Variants in MSRA observed in about 807,000 individuals in gnomAD.
The protein encoded by MSRA is mitochondrial peptide methionine sulfoxide reductase.
Under a neutral mutation model 31.3 loss-of-function variants are expected in MSRA, and 54 were observed. The observed-to-expected ratio is 1.73, with a 90% confidence interval of 1.39 to 2.17. MSRA has a LOEUF of 2.17. Among genes scored for constraint, MSRA ranks in the 30% most tolerant of loss-of-function variants. The pLI, the probability that MSRA is intolerant of heterozygous loss-of-function variation, is 0.00. For missense variants in MSRA, 507 were observed against 300.9 expected, an observed-to-expected ratio of 1.69 and a Z score of -5.07; for synonymous variants, 169 against 116.5, an observed-to-expected ratio of 1.45 and a Z score of -2.90.
intron 5 of MSRA, among the ~76,000 whole-genome samples, chr8:10,366,255 G>A (rs1805158409): frequency 6.6e-6 from 1 of 152,280 alleles, no homozygotes; most frequent in African/African-American, 2.4e-5. Context: ...GGGGAAAAGT[G>A]TGAAGTTATG....
chr8:10,055,508 A>C (rs1387720158), intron 1 of MSRA, among the ~76,000 whole-genome samples: 1 of 152,258 alleles, frequency 6.6e-6, no homozygotes, highest in Admixed American at 6.5e-5. Flanking sequence ...CAGCAGCAGC[A>C]GCATCACCAC....
At chr8:10,319,113 C>T (rs1801894993) in intron 4 of MSRA, among the ~76,000 whole-genome samples, 3 of 152,110 alleles carry the variant, frequency 2.0e-5, no homozygotes. Context: ...CCCTTAACAC[C>T]TCTAATTCTT....
intron 1 of MSRA, among the ~76,000 whole-genome samples, chr8:10,184,628 G>A (rs1373395097): frequency 3.3e-5 from 5 of 152,102 alleles, no homozygotes; most frequent in Non-Finnish European, 7.4e-5. Context: ...CTCTAAGGAT[G>A]CCTTGTCTGA....
intron 1 of MSRA, among the ~76,000 whole-genome samples, chr8:10,076,075 G>C (rs1254628351): frequency 9.5e-6 from 1 of 104,756 alleles, no homozygotes; most frequent in Non-Finnish European, 2.5e-5. Context: ...AGTCAGAGCT[G>C]TGCGTCATGT....
chr8:10,242,900 C>T (rs988227318), intron 2 of MSRA, among the ~76,000 whole-genome samples: 10 of 152,166 alleles, frequency 6.6e-5, no homozygotes, highest in South Asian at 4.1e-4. Context: ...GTCCCTGAGA[C>T]GCTGTTTCAG....
intron 5 of MSRA, among the ~76,000 whole-genome samples, chr8:10,400,612 T>C (rs1163374901): frequency 1.3e-5 from 2 of 152,114 alleles, no homozygotes; most frequent in African/African-American, 4.8e-5. Flanking sequence ...ATGTAGGGCA[T>C]GGAGGCTGTT....
chr8:10,407,965 A>G (rs1410511458), intron 5 of MSRA, among the ~76,000 whole-genome samples: 2 of 152,228 alleles, frequency 1.3e-5, no homozygotes, highest in Non-Finnish European at 2.9e-5. Context: ...GTAGGTTAAT[A>G]GGATTGCAAA....
intron 4 of MSRA, among the ~76,000 whole-genome samples, chr8:10,311,968 T>C (rs1371476130): frequency 1.3e-5 from 2 of 152,122 alleles, no homozygotes; most frequent in Admixed American, 6.5e-5. Context: ...ATGATGGAAA[T>C]TGTAAAATAC....
At chr8:10,171,388 A>G (rs1384594072) in intron 1 of MSRA, among the ~76,000 whole-genome samples, 3 of 147,486 alleles carry the variant, frequency 2.0e-5, no homozygotes, top group Non-Finnish European at 4.5e-5. Context: ...TTTTTTTAAC[A>G]GAGCTTTAAG....
intron 5 of MSRA, chr8:10,337,550 C>G (rs1480891569): frequency 4.9e-6 from 3 of 608,568 alleles, no homozygotes; most frequent in Admixed American, 2.8e-5. Flanking sequence ...AGCATTAAGT[C>G]TGATATACAT....
intron 5 of MSRA, among the ~76,000 whole-genome samples, chr8:10,407,668 G>A (rs939511163): frequency 2.0e-5 from 3 of 152,164 alleles, no homozygotes; most frequent in Non-Finnish European, 2.9e-5. Flanking sequence ...GGTTGTGAGT[G>A]GCAGGATTCT....
intron 1 of MSRA, among the ~76,000 whole-genome samples, chr8:10,115,989 C>T (rs934286680): frequency 4.6e-5 from 7 of 152,224 alleles, no homozygotes; most frequent in East Asian, 3.9e-4. Context: ...ACTTGATTCA[C>T]GCATGGTGGC....
chr8:10,274,735 G>A (rs1440567404), intron 3 of MSRA, among the ~76,000 whole-genome samples: 1 of 151,692 alleles, frequency 6.6e-6, no homozygotes, highest in Non-Finnish European at 1.5e-5. Context: ...TCATCCATCT[G>A]TACACCCACC....
At chr8:10,221,233 C>T (rs1410994133) in intron 2 of MSRA, among the ~76,000 whole-genome samples, 2 of 152,138 alleles carry the variant, frequency 1.3e-5, no homozygotes, top group Non-Finnish European at 2.9e-5. Context: ...GACATCTGCA[C>T]CAACTGAATG....
intron 1 of MSRA, among the ~76,000 whole-genome samples, chr8:10,090,496 T>G (rs977255451): frequency 6.6e-6 from 1 of 152,218 alleles, no homozygotes; most frequent in Non-Finnish European, 1.5e-5. Flanking sequence ...GTAACAGCCG[T>G]AAATACTGGA....
rs962675971 is a variant in MSRA, at chr8:10,353,653, C to T, written c.543+33664C>T. 1.5e-5 allele frequency: 7 copies of T among 456,130 alleles called. No homozygotes were observed. The Admixed American group carries it at 1.6e-4, about 11-fold the overall frequency. The allele number at this position is 456,130 out of a possible 1,614,324, so 28.3% of individuals were successfully genotyped here. ...GTTCACTGGAAGAAGAGAACACAGA[C>T]TGGGCTGCAGACGGAGGGAAGATGA... On this transcript the variant is annotated intron_variant, in intron 5 of 5. Coordinates refer to ENST00000317173, the MANE Select transcript of MSRA (RefSeq NM_012331.5).
At chr8:10,391,570 C>G (rs905539168) in intron 5 of MSRA, among the ~76,000 whole-genome samples, 10 of 152,134 alleles carry the variant, frequency 6.6e-5, no homozygotes, top group African/African-American at 1.7e-4. Context: ...AGAGGACTTG[C>G]CAGAGGTCAC....
At chr8:10,412,992 A>T (rs1246946979) in intron 5 of MSRA, among the ~76,000 whole-genome samples, 3 of 152,218 alleles carry the variant, frequency 2.0e-5, no homozygotes, top group Non-Finnish European at 2.9e-5. Flanking sequence ...TACCTACGAG[A>T]AATAAGACGA....
rs1432641693 is a variant in MSRA, at chr8:10,428,528, G to A, written c.*216G>A. The A allele has an allele frequency of 1.1e-5, 6 of 542,420 alleles. No homozygotes were observed. Among genetic ancestry groups the A allele is most frequent in the Non-Finnish European group, 1.9e-5 (6 of 308,938 alleles). 33.6% of individuals were successfully genotyped at this position (542,420 alleles called of 1,614,324 possible). On this transcript the variant is annotated 3_prime_UTR_variant, in exon 6 of 6. Coordinates refer to ENST00000317173, the MANE Select transcript of MSRA (RefSeq NM_012331.5). ...AATAAGTTATGGTGGGAGTGGAGCT[G>A]TGCAGTTTCCTGTGTCTTCTGGGGT...
Sources: gnomAD v4.1 joint callset for allele counts (sites outside exome capture counted in the v4.1 genomes callset) on GRCh38, gnomAD v4.1.1 for gene constraint, MANE v1.5 for transcripts, NCBI Gene and HGNC (gene_info 2026-07-23, HGNC 2026-07-21) for gene names.